The following SLC4A1 variants were observed in gnomAD, a reference collection of about 807,000 sequenced individuals.
The protein encoded by SLC4A1 is solute carrier family 4 member 1 (Diego blood group).
Under a neutral mutation model 93.1 loss-of-function variants are expected in SLC4A1, and 29 were observed. The observed-to-expected ratio is 0.31, with a 90% confidence interval of 0.23 to 0.42. The LOEUF is 0.42. Among genes scored for constraint, SLC4A1 ranks in the 20% least tolerant of loss-of-function variants. SLC4A1 has a pLI of 1.00. For synonymous variants in SLC4A1, 469 were observed against 497.2 expected (o/e 0.94, Z 0.76); for missense variants, 965 against 1,190.1 (o/e 0.81, Z 2.78).
Position 44,259,847 on chromosome 17 carries a change from G to C in SLC4A1, c.571C>G (p.Gln191Glu), listed in dbSNP as rs1324418745. Residue 191 changes from glutamine to glutamate, a missense_variant, in exon 7 of 20, where the codon CAA becomes GAA. By Grantham distance (29) the Gln-to-Glu change is conservative. Coordinates refer to ENST00000262418, the MANE Select transcript of SLC4A1 (RefSeq NM_000342.4). ...SGDPSQPLLP[Q>E]HSSLETQLFC... The stretch of plus-strand genomic sequence containing the variant: ...AGCTGTGTCTCCAGTGAGGAGTGTT[G>C]GGGGAGCAGAGGCTGTGAAGGATCC... 2 of 1,613,918 alleles carry C rather than the reference G, an allele frequency of 1.2e-6. No homozygotes were observed. Among genetic ancestry groups the C allele is most frequent in the Non-Finnish European group, 1.7e-6 (2 of 1,180,014 alleles).
intron 4 of SLC4A1, 77 bp from the exon 5 acceptor site, chr17:44,260,892 G>A: frequency 6.5e-7 from 1 of 1,532,486 alleles, no homozygotes; most frequent in Non-Finnish European, 8.9e-7. Flanking sequence ...TCTCGAGAGA[G>A]GCTTGTGCTT....
In SLC4A1 at chr17:44,251,573, A is replaced by T; in HGVS notation, c.2327T>A (p.Met776Lys). ...GGGGATGCGGGACAGGATGGGCTCCATGAGGATGGACAGGCCTGTGGGGGA... is the reference window on the plus strand; with the variant it reads ...GGGGATGCGGGACAGGATGGGCTCCTTGAGGATGGACAGGCCTGTGGGGGA... ...VAVLVGLSIL[M>K]EPILSRIPLA... is the part of the protein sequence containing the mutation. Residue 776 changes from methionine to lysine, a missense_variant, in exon 18 of 20, where the codon ATG (methionine) becomes AAG (lysine). Physicochemically the swap from Met to Lys is moderately conservative, Grantham distance 95 (BLOSUM62 -1). Around this residue, in one of 2 missense-constraint regions of SLC4A1, gnomAD observed 770 missense variants for 1,006.6 expected, o/e 0.76. Coordinates refer to ENST00000262418, the MANE Select transcript of SLC4A1 (RefSeq NM_000342.4). 6.2e-7 allele frequency: 1 copy of T among 1,614,066 alleles called. No homozygotes were observed. The highest frequency in any genetic ancestry group is 8.5e-7 in the Non-Finnish European group (1 of 1,180,016).
Position 44,267,054 on chromosome 17 carries a change from G to A in SLC4A1, c.-69+1000C>T, listed in dbSNP as rs116844389. Among the ~76,000 whole-genome samples, 1,022 of 152,276 alleles carry A rather than the reference G, an allele frequency of 6.7e-3. 9 individuals carry two copies. The highest frequency in any genetic ancestry group is 0.014 in the Middle Eastern group (4 of 294). ...TGTCATTAATCCATTCTACAGATGC[G>A]AAAGCTGAGGTTCAGAGACATTTAC... On this transcript the variant is annotated intron_variant, in intron 1 of 19. Coordinates refer to ENST00000262418, the MANE Select transcript of SLC4A1 (RefSeq NM_000342.4).
At chr17:44,255,568 T>A in intron 14 of SLC4A1, 105 bp downstream of exon 14, 1 of 1,219,928 alleles carries the variant, frequency 8.2e-7, no homozygotes, top group East Asian at 2.3e-5. Flanking sequence ...GGAATGGGAA[T>A]CTGAAAAAGA....
rs2047314889 is a variant in SLC4A1 at position 44,248,819 on chromosome 17, C to G, written c.*1639G>C. 5.6e-6 allele frequency: 1 copy of G among 179,030 alleles called. No homozygotes were observed. The highest frequency in any genetic ancestry group is 1.1e-5 in the Non-Finnish European group (1 of 93,312). 11.1% of individuals were successfully genotyped at this position (179,030 alleles called of 1,614,324 possible). A position where few individuals can be genotyped will look rare whatever the true frequency, so the allele number is the denominator to read the frequency against. ...ACCCCACCACACACACATGTTGAGT[C>G]TGTGGCCCCCAAGGCTGATGTTTCC... On this transcript the variant is annotated 3_prime_UTR_variant, in exon 20 of 20. Transcript: ENST00000262418.
Position 44,258,654 on chromosome 17 carries a change from C to A in SLC4A1, c.877-31G>T. On this transcript the variant is annotated intron_variant, in intron 9 of 19. Coordinates refer to ENST00000262418, the MANE Select transcript of SLC4A1 (RefSeq NM_000342.4). This position sits in a 1 kb window ranked among gnomAD's most constrained non-coding sequence, Gnocchi z 6.1. ...GGCAGGAGACAGGGTCAGAGCTGCC[C>A]GGACCTGCGGAGGGAAAGGACCCAG... 6.4e-7 allele frequency: 1 copy of A among 1,554,086 alleles called. No homozygotes were observed. The highest frequency in any genetic ancestry group is 8.7e-7 in the Non-Finnish European group (1 of 1,149,386).
chr17:44,265,660 C>T (rs747327474), intron 1 of SLC4A1, among the ~76,000 whole-genome samples: 1 of 152,064 alleles, frequency 6.6e-6, no homozygotes, highest in Non-Finnish European at 1.5e-5. Context: ...TGTGAGCCAC[C>T]GTGCCCAGCC....
intron 2 of SLC4A1, 33 bp downstream of exon 2, chr17:44,262,819 G>C (rs761988982): frequency 6.2e-7 from 1 of 1,612,024 alleles, no homozygotes; most frequent in Non-Finnish European, 8.5e-7. Context: ...GAGCCTCCAG[G>C]TGGGAGCACT....
intron 17 of SLC4A1, among the ~76,000 whole-genome samples, chr17:44,252,896 G>A (rs1290656741): frequency 2.0e-5 from 3 of 152,134 alleles, no homozygotes; most frequent in Admixed American, 6.5e-5. Context: ...AGAAGGCCTC[G>A]GAGTGGAGCC....
chr17:44,259,937 A>G lies in SLC4A1; in HGVS notation c.486-5T>C. ...GCCTCCAGCTCTCCAGCGTGGCTGC[A>G]GGACGTACAGGGGACATGGGCTGAG... On this transcript the variant is annotated splice_region_variant and splice_polypyrimidine_tract_variant and intron_variant, in intron 6 of 19. Transcript: ENST00000262418. 6.2e-7 allele frequency: 1 copy of G among 1,613,714 alleles called. No individual in the cohort carries two copies. The highest frequency in any genetic ancestry group is 8.5e-7 in the Non-Finnish European group (1 of 1,179,992).
intron 16 of SLC4A1, 63 bp downstream of exon 16, chr17:44,254,433 G>T (rs2047370309): frequency 6.6e-7 from 1 of 1,522,376 alleles, no homozygotes; most frequent in South Asian, 1.1e-5. Flanking sequence ...CTGCCTGGGA[G>T]AATGCCAGGG....
chr17:44,268,102 G>A lies in SLC4A1; in HGVS notation c.-117C>T. 1 of 985,352 alleles carries A rather than the reference G, an allele frequency of 1.0e-6. No individual in the cohort carries two copies. Among genetic ancestry groups the A allele is most frequent in the Non-Finnish European group, 1.2e-6 (1 of 829,972 alleles). The allele number at this position is 985,352 out of a possible 1,614,324, so 61.0% of individuals were successfully genotyped here. Reference sequence around the variant, plus strand: ...TTGGTGAAGTCCTGCAGCCGCTGGTGCCCTCTGCGACCAGCTACGTTCCCA... The same window carrying A: ...TTGGTGAAGTCCTGCAGCCGCTGGTACCCTCTGCGACCAGCTACGTTCCCA... On this transcript the variant is annotated 5_prime_UTR_variant, in exon 1 of 20. Transcript: ENST00000262418.
intron 17 of SLC4A1, 57 bp from the exon 18 acceptor site, chr17:44,251,645 G>A: frequency 6.4e-7 from 1 of 1,561,350 alleles, no homozygotes; most frequent in South Asian, 1.1e-5. Flanking sequence ...CACCAGTGGG[G>A]GGTCAGGCCC....
rs905233969 is a variant in SLC4A1 at position 44,250,276 on chromosome 17, G to T, written c.*182C>A. 2.2e-5 allele frequency: 13 copies of T among 602,846 alleles called. No homozygotes were observed. The Middle Eastern group carries it at 1.3e-3, about 61-fold the overall frequency. The allele number at this position is 602,846 out of a possible 1,614,324, so 37.3% of individuals were successfully genotyped here. ...CCATCGGCCATCCCCAGCCAGAAAA[G>T]CCAGGCTACCCTTTGTGGAAGGTCT... is the stretch of plus-strand genomic sequence containing the variant. On this transcript the variant is annotated 3_prime_UTR_variant, in exon 20 of 20. Transcript: ENST00000262418.
chr17:44,258,465 C>T lies in SLC4A1; in HGVS notation c.1035G>A (p.Arg345=). 6.2e-7 allele frequency: 1 copy of T among 1,613,950 alleles called. No individual in the cohort carries two copies. The highest frequency in any genetic ancestry group is 2.2e-5 in the East Asian group (1 of 44,876). Residue 345 remains arginine (R), a synonymous_variant, in exon 10 of 20, where the codon AGG becomes AGA. Transcript: ENST00000262418. This position sits in a 1 kb window ranked among gnomAD's most constrained non-coding sequence, Gnocchi z 6.1. ...GCTTGGCAGGGCTGGACTGATAGCG[C>T]CTTCGAAGTAGCTCCCTCTGCACAG... ...LVPVQRELLR[R]RYQSSPAKPD...
chr17:44,262,478 C>T (rs945904653), intron 3 of SLC4A1, among the ~76,000 whole-genome samples, 158 bp downstream of exon 3: 1 of 152,204 alleles, frequency 6.6e-6, no homozygotes, highest in African/African-American at 2.4e-5. Context: ...TCATTTCAAA[C>T]AAAGCTCTGT....
At chr17:44,261,038 AG>A (rs1007584572) in intron 4 of SLC4A1, among the ~76,000 whole-genome samples, 25 of 152,152 alleles carry the variant, frequency 1.6e-4, no homozygotes, top group African/African-American at 5.6e-4. Flanking sequence ...GATGCTGGAG[AG>A]GCCACTGGGG....
At chr17:44,255,973 A>G (rs942710865) in intron 13 of SLC4A1, 127 bp from the exon 14 acceptor site, 1 of 871,644 alleles carries the variant, frequency 1.1e-6, no homozygotes, top group Non-Finnish European at 1.9e-6. Flanking sequence ...TCATCCATCC[A>G]TTTATCCACC....
chr17:44,260,023 G>A, intron 6 of SLC4A1, 91 bp from the exon 7 acceptor site: 1 of 1,524,158 alleles, frequency 6.6e-7, no homozygotes, highest in Non-Finnish European at 9.0e-7. Flanking sequence ...TCAAGGGACT[G>A]GGGTAGACAT....
Sources: gnomAD v4.1 joint callset for allele counts (sites outside exome capture counted in the v4.1 genomes callset) on GRCh38, gnomAD v4.1.1 for gene constraint, gnomAD v4.1.1 regional missense constraint, Gnocchi (gnomAD v3.1) non-coding constraint, MANE v1.5 for transcripts, NCBI Gene and HGNC (gene_info 2026-07-23, HGNC 2026-07-21) for gene names.